Variants in OR2L13 observed in about 807,000 individuals in gnomAD.
OR2L13 encodes olfactory receptor family 2 subfamily L member 13.
In OR2L13, 14 loss-of-function variants were observed where a neutral mutation model predicts 15.3. That is an observed-to-expected ratio of 0.91 (90% CI 0.60 to 1.43). OR2L13 has a LOEUF of 1.43. Ranked by LOEUF, OR2L13 falls within the 40% of genes most tolerant of loss-of-function variation. OR2L13 has a pLI of 0.00. For missense variants in OR2L13, 367 were observed against 387.9 expected (o/e 0.95, Z 0.45); for synonymous variants, 152 against 142.9 (o/e 1.06, Z -0.45).
At chr1:247,987,434 G>T in the OR2L13 span, among the ~76,000 whole-genome samples, 2 of 151,962 alleles carry the variant, frequency 1.3e-5, no homozygotes, top group African/African-American at 4.8e-5. Flanking sequence ...TTGGACATTT[G>T]TGTCTTGTTC....
chr1:247,984,257 T>TTG, the OR2L13 span, among the ~76,000 whole-genome samples: 33 of 128,284 alleles, frequency 2.6e-4, no homozygotes, highest in African/African-American at 1.0e-3. Context: ...TATTATTATT[T>TTG]TTAAATGAGG....
chr1:248,052,581 A>T, the OR2L13 span, among the ~76,000 whole-genome samples: 3 of 152,076 alleles, frequency 2.0e-5, no homozygotes, highest in Non-Finnish European at 4.4e-5. Context: ...ACAAAAAAAA[A>T]TTAGCTGGGC....
the OR2L13 span, among the ~76,000 whole-genome samples, chr1:248,002,806 C>A: frequency 6.7e-6 from 1 of 150,296 alleles, no homozygotes; most frequent in African/African-American, 2.5e-5. Context: ...TGCAGTGAGC[C>A]GAGATCGCAC....
At chr1:247,994,348 T>G in the OR2L13 span, among the ~76,000 whole-genome samples, 375 of 152,124 alleles carry the variant, frequency 2.5e-3, 1 homozygote, top group African/African-American at 7.0e-3. Context: ...AGTGAGCTGA[T>G]ATCGCTCCAC....
chr1:248,001,288 G>A, the OR2L13 span, among the ~76,000 whole-genome samples: 1 of 152,000 alleles, frequency 6.6e-6, no homozygotes, highest in East Asian at 1.9e-4. Flanking sequence ...TATGTGGAGA[G>A]AGTCTGTGAA....
the OR2L13 span, among the ~76,000 whole-genome samples, chr1:247,986,739 C>T: frequency 3.3e-5 from 5 of 152,272 alleles, no homozygotes; most frequent in East Asian, 9.6e-4. Context: ...TCTTCCTACC[C>T]ATGAGCATGG....
chr1:248,074,391 A>T, the OR2L13 span, among the ~76,000 whole-genome samples: 1 of 152,072 alleles, frequency 6.6e-6, no homozygotes, highest in Admixed American at 6.6e-5. Flanking sequence ...TGTTAAAAAA[A>T]AAAAAAGTCA....
chr1:248,038,030 T>G, the OR2L13 span: 1 of 386,266 alleles, frequency 2.6e-6, no homozygotes, highest in South Asian at 4.6e-5. Flanking sequence ...AGTATATAGT[T>G]GTAATTGTTC....
chr1:248,060,552 G>T, the OR2L13 span: 2 of 711,364 alleles, frequency 2.8e-6, no homozygotes, highest in East Asian at 2.5e-5. Context: ...AGTGTATATA[G>T]GGCTCAGTGT....
At chr1:247,956,070 G>GT in the OR2L13 span, among the ~76,000 whole-genome samples, 1 of 143,906 alleles carries the variant, frequency 6.9e-6, no homozygotes, top group Admixed American at 7.1e-5. Flanking sequence ...GGTTTTTATG[G>GT]TTTTAGGTCT....
At chr1:248,022,204 A>G in the OR2L13 span, 23 of 1,613,976 alleles carry the variant, frequency 1.4e-5, no homozygotes, top group Non-Finnish European at 1.8e-5. Context: ...GATTTTCTGT[A>G]TGGAAACAAG....
At chr1:247,991,193 C>T in the OR2L13 span, 3 of 1,586,234 alleles carry the variant, frequency 1.9e-6, no homozygotes, top group Non-Finnish European at 2.6e-6. Context: ...AAAATCTTTT[C>T]AGTGAAAATA....
the OR2L13 span, chr1:248,022,205 T>A: frequency 6.2e-7 from 1 of 1,614,164 alleles, no homozygotes; most frequent in Non-Finnish European, 8.5e-7. Context: ...ATTTTCTGTA[T>A]GGAAACAAGT....
intron 1 of OR2L13, among the ~76,000 whole-genome samples, chr1:248,098,359 C>T (rs1050227380): frequency 4.6e-5 from 7 of 152,146 alleles, no homozygotes; most frequent in African/African-American, 1.7e-4. Flanking sequence ...TGATGGTTTT[C>T]ATGTTTTTTT....
the OR2L13 span, among the ~76,000 whole-genome samples, chr1:247,959,990 C>A: frequency 6.6e-6 from 1 of 152,186 alleles, no homozygotes; most frequent in African/African-American, 2.4e-5. Context: ...TGAGGAACTG[C>A]GTTCCTTTGG....
chr1:247,973,806 A>G, the OR2L13 span, among the ~76,000 whole-genome samples: 1 of 152,244 alleles, frequency 6.6e-6, no homozygotes, highest in Non-Finnish European at 1.5e-5. Flanking sequence ...GTGGAGAAAT[A>G]GGAAAGCTTT....
chr1:247,956,795 G>T, the OR2L13 span, among the ~76,000 whole-genome samples: 1 of 152,172 alleles, frequency 6.6e-6, no homozygotes, highest in Admixed American at 6.6e-5. Flanking sequence ...CATTGATTTT[G>T]TATCTTGAGA....
At chr1:248,001,989 C>T in the OR2L13 span, among the ~76,000 whole-genome samples, 2 of 152,090 alleles carry the variant, frequency 1.3e-5, no homozygotes, top group Non-Finnish European at 2.9e-5. Flanking sequence ...ACATGTTCTA[C>T]TTACCAATAA....
At chr1:247,946,722 C>A in the OR2L13 span, among the ~76,000 whole-genome samples, 1 of 152,140 alleles carries the variant, frequency 6.6e-6, no homozygotes, top group Non-Finnish European at 1.5e-5. Context: ...TGGATAGCGA[C>A]CTGCTCCCTC....
Sources: allele counts gnomAD v4.1 joint callset (sites outside exome capture counted in the v4.1 genomes callset), GRCh38; gene constraint gnomAD v4.1.1; transcripts MANE v1.5; gene names NCBI Gene and HGNC (gene_info 2026-07-23, HGNC 2026-07-21).